Variants in MBIP observed in about 807,000 individuals in gnomAD.
MBIP encodes the protein MAP3K12-binding inhibitory protein 1.
Under a neutral mutation model 45.7 loss-of-function variants are expected in MBIP, and 32 were observed. The ratio of observed to expected loss-of-function variants is 0.70; its 90% CI spans 0.53 to 0.94. MBIP has a LOEUF of 0.94. Ranked by LOEUF, MBIP falls within the 40% of genes least tolerant of loss-of-function variation. The probability of loss-of-function intolerance (pLI) is 0.00; values close to 1 mark genes in which losing one functional copy is unlikely to be tolerated. For missense variants in MBIP, 381 were observed against 405.5 expected (o/e 0.94, Z 0.52); for synonymous variants, 145 against 141.0 (o/e 1.03, Z -0.20).
In MBIP at chr14:36,313,127, T is replaced by C. The variant is rs138748719; in HGVS notation, c.572-1103A>G. Among the ~76,000 whole-genome samples the C allele has an allele frequency of 4.5e-3, 677 of 151,646 alleles. 3 individuals carry two copies. The highest frequency in any genetic ancestry group is 8.0e-3 in the Non-Finnish European group (541 of 67,888). On this transcript the variant is annotated intron_variant, in intron 4 of 8. Coordinates refer to ENST00000416007, the MANE Select transcript of MBIP (RefSeq NM_016586.3). ...TTAGCTTTTATATCTAGAGACTAAA[T>C]AGACATCTTTCCTCCTTTTTTTTTT...
Position 36,300,821 on chromosome 14 carries a change from G to A in MBIP, c.891C>T (p.Ser297=). 6.6e-7 allele frequency: 1 copy of A among 1,509,576 alleles called. No homozygotes were observed. Among genetic ancestry groups the A allele is most frequent in the Non-Finnish European group, 9.0e-7 (1 of 1,113,872 alleles). 93.5% of individuals were successfully genotyped at this position (1,509,576 alleles called of 1,614,324 possible). The change falls in exon 8 of 9, where the codon AGC becomes AGT. Residue 297 remains serine, a splice_region_variant and synonymous_variant. Transcript: ENST00000416007. ...GISPEYFQSV[S]FSGKRRKVQP... is the part of the protein sequence containing the mutation. ...GAACTTTTCTTCTTTTTCCAGAAAAGCTCTAGATTAAAAAAAAAAAGGTAA... is the reference window on the plus strand; with the variant it reads ...GAACTTTTCTTCTTTTTCCAGAAAAACTCTAGATTAAAAAAAAAAAGGTAA...
chr14:36,318,390 CATA>C (rs951123773), intron 1 of MBIP, among the ~76,000 whole-genome samples: 28 of 152,064 alleles, frequency 1.8e-4, no homozygotes, highest in Middle Eastern at 3.4e-3. Flanking sequence ...AAGAAAACCA[CATA>C]ATGTCACAAA....
chr14:36,310,018 A>T (rs1880108035), intron 6 of MBIP, among the ~76,000 whole-genome samples: 1 of 152,204 alleles, frequency 6.6e-6, no homozygotes, highest in East Asian at 1.9e-4. Flanking sequence ...GGGGACTATG[A>T]TTATATCATC....
intron 1 of MBIP, among the ~76,000 whole-genome samples, chr14:36,317,365 AT>A (rs1219738307): frequency 1.2e-4 from 19 of 152,308 alleles, no homozygotes; most frequent in African/African-American, 4.6e-4. Flanking sequence ...AAAAGTCAAG[AT>A]TATTCATACA....
chr14:36,320,397 A>G, intron 1 of MBIP, 63 bp downstream of exon 1: 1 of 1,610,460 alleles, frequency 6.2e-7, no homozygotes, highest in South Asian at 1.1e-5. Flanking sequence ...CTGCTAGAGA[A>G]AAAGAATGGC....
At position 36,299,201 on chromosome 14, in the gene MBIP, T is replaced by C. The variant is rs17175248; in HGVS notation, c.928-11A>G. The stretch of plus-strand genomic sequence containing the variant: ...CAGTGAATAGTTCTGCTGTAAACAA[T>C]AACGACACAAATTGCTGAATAAGAT... On this transcript the variant is annotated splice_polypyrimidine_tract_variant and intron_variant, in intron 8 of 8. Coordinates refer to ENST00000416007, the MANE Select transcript of MBIP (RefSeq NM_016586.3). 6.3e-7 allele frequency: 1 copy of C among 1,577,604 alleles called. No homozygotes were observed. The highest frequency in any genetic ancestry group is 1.7e-5 in the Admixed American group (1 of 59,726).
chr14:36,310,807 G>A (rs566894126), intron 6 of MBIP, among the ~76,000 whole-genome samples: 1 of 152,256 alleles, frequency 6.6e-6, no homozygotes, highest in Non-Finnish European at 1.5e-5. Context: ...AGTGGGAGAT[G>A]GGAAGCCCAG....
intron 4 of MBIP, chr14:36,313,188 T>C (rs900369470): frequency 4.0e-5 from 6 of 151,518 alleles, no homozygotes; most frequent in Non-Finnish European, 5.9e-5. Context: ...TAAAGGGCCA[T>C]CCTTTCTCCA....
chr14:36,302,858 T>C (rs184540614), intron 7 of MBIP, among the ~76,000 whole-genome samples: 2 of 152,356 alleles, frequency 1.3e-5, no homozygotes, highest in Non-Finnish European at 2.9e-5. Flanking sequence ...TACAATGCTG[T>C]GAAAGTGACA....
chr14:36,308,269 A>G (rs1451769666), intron 6 of MBIP, 80 bp from the exon 7 acceptor site: 6 of 721,410 alleles, frequency 8.3e-6, no homozygotes, highest in Non-Finnish European at 1.4e-5. Context: ...AATACCATGC[A>G]AAGACACTTA....
intron 6 of MBIP, among the ~76,000 whole-genome samples, chr14:36,309,322 G>A (rs1159462612): frequency 6.6e-6 from 1 of 151,946 alleles, no homozygotes; most frequent in East Asian, 1.9e-4. Context: ...TTTTCTTTCT[G>A]TATTATTTGT....
Position 36,314,532 on chromosome 14 carries a change from T to A in MBIP, c.551A>T (p.Asn184Ile). Reference protein sequence around the residue: ...INENNVREFCNVIDCNQENSC... With the variant: ...INENNVREFCIVIDCNQENSC... The stretch of plus-strand genomic sequence containing the variant: ...GTTACCTTGATTACAATCAATAACA[T>A]TGCAAAATTCCCTGACGTTGTTTTC... The change falls in exon 4 of 9, where the codon AAT becomes ATT. Residue 184 changes from asparagine (N) to isoleucine (I), a missense_variant. Asn to Ile is a moderately radical substitution (Grantham distance 149). Coordinates refer to ENST00000416007, the MANE Select transcript of MBIP (RefSeq NM_016586.3). The A allele has an allele frequency of 6.2e-7, 1 of 1,609,622 alleles. No homozygotes were observed. The highest frequency in any genetic ancestry group is 8.5e-7 in the Non-Finnish European group (1 of 1,178,162).
intron 4 of MBIP, 158 bp downstream of exon 4, chr14:36,314,353 TA>T (rs1880410466): frequency 7.3e-6 from 4 of 548,216 alleles, no homozygotes; most frequent in Non-Finnish European, 1.3e-5. Flanking sequence ...AGTCTATTAT[TA>T]AGCAGAAGGA....
intron 4 of MBIP, chr14:36,313,186 C>T (rs1880317132): frequency 6.6e-6 from 1 of 151,184 alleles, no homozygotes; most frequent in South Asian, 2.1e-4. Context: ...CTTAAAGGGC[C>T]ATCCTTTCTC....
At chr14:36,312,658 T>A (rs1352903746) in intron 4 of MBIP, among the ~76,000 whole-genome samples, 1 of 152,072 alleles carries the variant, frequency 6.6e-6, no homozygotes, top group Admixed American at 6.6e-5. Context: ...TTTGTCCCTA[T>A]TTTTTTCCAA....
At chr14:36,299,261 G>T in intron 8 of MBIP, 71 bp from the exon 9 acceptor site, 2 of 970,036 alleles carry the variant, frequency 2.1e-6, no homozygotes, top group South Asian at 1.5e-5. Flanking sequence ...AGTGCCAAAT[G>T]AACTATAAAT....
chr14:36,312,471 T>C (rs1880269578), intron 4 of MBIP, among the ~76,000 whole-genome samples: 1 of 152,146 alleles, frequency 6.6e-6, no homozygotes, highest in Non-Finnish European at 1.5e-5. Context: ...TATTTAACAT[T>C]TTTATTTCAG....
intron 7 of MBIP, 46 bp from the exon 8 acceptor site, chr14:36,300,869 ATT>A: frequency 8.5e-7 from 1 of 1,183,332 alleles, no homozygotes; most frequent in Non-Finnish European, 1.2e-6. Flanking sequence ...TCTAAGCATC[ATT>A]TTTTTTTCTT....
rs755725433 is a variant in MBIP at position 36,320,622 on chromosome 14, A to C, written c.-34T>G. 6 of 1,573,244 alleles carry C rather than the reference A, an allele frequency of 3.8e-6. No individual in the cohort carries two copies. In the Admixed American group the frequency reaches 7.0e-5, roughly 18 times the overall value. ...CTCAGGCCGCCCCACCACCACCACC[A>C]CCAAGATTTGCTCACAACCCCGCCC... On this transcript the variant is annotated 5_prime_UTR_variant, in exon 1 of 9. Transcript: ENST00000416007.
Sources: allele counts gnomAD v4.1 joint callset (sites outside exome capture counted in the v4.1 genomes callset), GRCh38; gene constraint gnomAD v4.1.1; transcripts MANE v1.5; gene names NCBI Gene and HGNC (gene_info 2026-07-23, HGNC 2026-07-21).